Variants in SCCPDH observed in about 807,000 individuals in gnomAD.
SCCPDH encodes the protein saccharopine dehydrogenase (putative).
Under a neutral mutation model 51.5 loss-of-function variants are expected in SCCPDH, and 34 were observed. That is an observed-to-expected ratio of 0.66 (90% CI 0.50 to 0.88). SCCPDH has a LOEUF of 0.88. SCCPDH is among the 40% of genes least tolerant of loss of function. The pLI is 0.00. For missense variants in SCCPDH, 464 were observed against 527.1 expected, an observed-to-expected ratio of 0.88 and a Z score of 1.17; for synonymous variants, 187 against 191.3, an observed-to-expected ratio of 0.98 and a Z score of 0.19.
At chr1:246,764,756 C>T (rs901891390) in intron 10 of SCCPDH, among the ~76,000 whole-genome samples, 4 of 152,216 alleles carry the variant, frequency 2.6e-5, no homozygotes, top group East Asian at 3.8e-4. Flanking sequence ...TGTATGCACA[C>T]GTGCACTTTT....
chr1:246,728,524 T>C (rs1181659766), intron 2 of SCCPDH, among the ~76,000 whole-genome samples: 6 of 152,232 alleles, frequency 3.9e-5, no homozygotes, highest in African/African-American at 1.4e-4. Flanking sequence ...TTCAAATATG[T>C]GTTTACAAAC....
At chr1:246,740,700 G>GACACTTATT (rs1335577826) in intron 4 of SCCPDH, among the ~76,000 whole-genome samples, 18 of 152,192 alleles carry the variant, frequency 1.2e-4, no homozygotes, top group African/African-American at 4.3e-4. Context: ...CAGAATTGGA[G>GACACTTATT]ACACTTATTT....
At chr1:246,752,795 TGATAA>T (rs1241995481) in intron 5 of SCCPDH, among the ~76,000 whole-genome samples, 1 of 152,200 alleles carries the variant, frequency 6.6e-6, no homozygotes, top group Admixed American at 6.5e-5. Flanking sequence ...AATCTCTCTC[TGATAA>T]GTTTGTTCCT....
chr1:246,731,242 G>A (rs1023939798), intron 2 of SCCPDH, among the ~76,000 whole-genome samples: 2 of 152,178 alleles, frequency 1.3e-5, no homozygotes, highest in Admixed American at 6.5e-5. Flanking sequence ...TCATAAAATA[G>A]GAATAAGTTA....
intron 2 of SCCPDH, among the ~76,000 whole-genome samples, chr1:246,734,483 C>T (rs148264232): frequency 6.6e-6 from 1 of 152,228 alleles, no homozygotes; most frequent in East Asian, 1.9e-4. Context: ...TTCCATGATA[C>T]CATACTGCCT....
At chr1:246,753,646 G>A (rs978437814) in intron 5 of SCCPDH, among the ~76,000 whole-genome samples, 1 of 151,908 alleles carries the variant, frequency 6.6e-6, no homozygotes, top group African/African-American at 2.4e-5. Context: ...TTTTTGATCC[G>A]CTGTAGGAAC....
At position 246,764,253 on chromosome 1, in the gene SCCPDH, C is replaced by T. The variant is rs1465733219; in HGVS notation, c.998C>T (p.Ala333Val). 1 of 1,610,400 alleles carries T rather than the reference C, an allele frequency of 6.2e-7. No homozygotes were observed. Among genetic ancestry groups the T allele is most frequent in the African/African-American group, 1.3e-5 (1 of 74,840 alleles). ...KQGPTQKQID[A>V]ASFTLTFFGQ... ...TTGCCTTCTCCTTCACAGATTGATGCTGCCTCATTCACGCTGACATTCTTT... is the reference window on the plus strand; with the variant it reads ...TTGCCTTCTCCTTCACAGATTGATGTTGCCTCATTCACGCTGACATTCTTT... The change falls in exon 10 of 12, where the codon GCT (alanine) becomes GTT (valine). Residue 333 changes from alanine (A) to valine (V), a missense_variant. Transcript: ENST00000366510.
At chr1:246,738,476 A>G (rs912761144) in intron 3 of SCCPDH, among the ~76,000 whole-genome samples, 1 of 151,338 alleles carries the variant, frequency 6.6e-6, no homozygotes, top group Non-Finnish European at 1.5e-5. Flanking sequence ...ATGCCACTGC[A>G]CTCCAGCCTG....
At position 246,764,187 on chromosome 1, in the gene SCCPDH, T is replaced by C. The variant is rs1669057464; in HGVS notation, c.991-59T>C. On this transcript the variant is annotated intron_variant, in intron 9 of 11. Coordinates refer to ENST00000366510, the MANE Select transcript of SCCPDH (RefSeq NM_016002.3). ...CTTGAAATAGAATAGTCGGTTTTAC[T>C]ATGTTCCAGGAGGAAATGACGTATT... 3 of 1,015,470 alleles carry C rather than the reference T, an allele frequency of 3.0e-6. No individual in the cohort carries two copies. The South Asian group carries it at 4.1e-5, about 14-fold the overall frequency. 62.9% of individuals were successfully genotyped at this position (1,015,470 alleles called of 1,614,324 possible).
At chr1:246,748,372 C>T (rs955073881) in intron 5 of SCCPDH, among the ~76,000 whole-genome samples, 3 of 152,150 alleles carry the variant, frequency 2.0e-5, no homozygotes, top group Admixed American at 6.5e-5. Flanking sequence ...TGGGACAAAG[C>T]GGTAAGTCTT....
chr1:246,745,069 A>G (rs1668737595), intron 5 of SCCPDH, among the ~76,000 whole-genome samples: 2 of 152,248 alleles, frequency 1.3e-5, no homozygotes. Flanking sequence ...GCAAGTCAGC[A>G]TAGTTTTATC....
At chr1:246,726,749 TATCTTTTGTC>T (rs1668405801) in intron 1 of SCCPDH, 133 bp from the exon 2 acceptor site, 1 of 611,924 alleles carries the variant, frequency 1.6e-6, no homozygotes. Context: ...AAAACAGTTT[TATCTTTTGTC>T]TAAGCAGGAG....
intron 5 of SCCPDH, among the ~76,000 whole-genome samples, chr1:246,756,483 C>T (rs1668934313): frequency 6.6e-6 from 1 of 152,138 alleles, no homozygotes. Flanking sequence ...CTATATTTTT[C>T]TGTGAAACGC....
At chr1:246,737,232 T>TC (rs1167350934) in intron 3 of SCCPDH, among the ~76,000 whole-genome samples, 8 of 44,546 alleles carry the variant, frequency 1.8e-4, no homozygotes, top group Admixed American at 5.9e-4. Flanking sequence ...AGGAAACAAA[T>TC]TAAAAAAAAA....
intron 11 of SCCPDH, 79 bp from the exon 12 acceptor site, chr1:246,767,116 C>A: frequency 1.1e-6 from 1 of 929,938 alleles, no homozygotes; most frequent in Non-Finnish European, 1.6e-6. Context: ...GGTTCTGTAG[C>A]AATTTGATAG....
At chr1:246,744,542 A>G (rs981087171) in intron 5 of SCCPDH, among the ~76,000 whole-genome samples, 2 of 151,846 alleles carry the variant, frequency 1.3e-5, no homozygotes, top group Admixed American at 6.6e-5. Context: ...GCTGGTCTCG[A>G]ACTCCTGACC....
intron 5 of SCCPDH, among the ~76,000 whole-genome samples, chr1:246,756,290 A>T (rs1460061411): frequency 2.0e-5 from 3 of 152,328 alleles, no homozygotes; most frequent in Admixed American, 2.0e-4. Context: ...CTGTTTAGGG[A>T]TGAATTCTTA....
intron 1 of SCCPDH, among the ~76,000 whole-genome samples, chr1:246,725,524 T>A (rs7365254): frequency 0.052 from 7,980 of 152,196 alleles, 392 homozygotes; most frequent in East Asian, 0.17. Flanking sequence ...CCATTAGAGT[T>A]CTGGAAATAC....
intron 10 of SCCPDH, 36 bp from the exon 11 acceptor site, chr1:246,766,022 T>G: frequency 7.1e-7 from 1 of 1,404,908 alleles, no homozygotes; most frequent in Non-Finnish European, 9.9e-7. Context: ...TACTTCATGA[T>G]TCCTTTCTTT....
Sources: gnomAD v4.1 joint callset for allele counts (sites outside exome capture counted in the v4.1 genomes callset) on GRCh38, gnomAD v4.1.1 for gene constraint, MANE v1.5 for transcripts, NCBI Gene and HGNC (gene_info 2026-07-23, HGNC 2026-07-21) for gene names.